The following RAB2A variants were observed in gnomAD, a reference collection of about 807,000 sequenced individuals.
RAB2A encodes RAB2A, member RAS oncogene family.
RAB2A carries 7 observed loss-of-function variants against 32.5 expected under a neutral mutation model. The ratio of observed to expected loss-of-function variants is 0.22; its 90% CI spans 0.12 to 0.40. RAB2A has a LOEUF of 0.40. Ranked by LOEUF, RAB2A falls within the 10% of genes least tolerant of loss-of-function variation. The pLI is 1.00. For synonymous variants in RAB2A, 79 were observed against 85.2 expected (o/e 0.93, Z 0.40); for missense variants, 108 against 260.7 (o/e 0.41, Z 4.03).
chr8:60,581,470 A>G (rs1482531349), intron 3 of RAB2A, among the ~76,000 whole-genome samples: 1 of 152,234 alleles, frequency 6.6e-6, no homozygotes, highest in African/African-American at 2.4e-5. Context: ...AATAGTGTAC[A>G]ATTTAAAACT....
chr8:60,568,377 CATT>C, intron 2 of RAB2A, among the ~76,000 whole-genome samples: 1 of 151,916 alleles, frequency 6.6e-6, no homozygotes, highest in African/African-American at 2.4e-5. Context: ...GGTCTCTCAT[CATT>C]AGTCATGCGG....
At chr8:60,550,379 GT>G (rs778540954) in intron 1 of RAB2A, among the ~76,000 whole-genome samples, 1 of 150,728 alleles carries the variant, frequency 6.6e-6, no homozygotes, top group Middle Eastern at 3.4e-3. Context: ...CTGGTTCACG[GT>G]TTTTTTTGTC....
Position 60,599,159 on chromosome 8 carries a change from C to CA in RAB2A, c.474+7194dup, listed in dbSNP as rs1207400978. ...CCATGAAAACATGAACACCAAAACTCAAAATATATCATTTTTAAGCACACA... is the reference window on the plus strand; with the variant it reads ...CCATGAAAACATGAACACCAAAACTCAAAAATATATCATTTTTAAGCACACA... On this transcript the variant is annotated intron_variant, in intron 6 of 7. Transcript: ENST00000262646. Among the ~76,000 whole-genome samples, 3 of 151,720 alleles carry CA rather than the reference C, an allele frequency of 2.0e-5. No homozygotes were observed. In the East Asian group the frequency reaches 5.8e-4, roughly 29 times the overall value.
intron 3 of RAB2A, among the ~76,000 whole-genome samples, chr8:60,578,100 A>G (rs377530875): frequency 5.9e-5 from 9 of 152,300 alleles, no homozygotes; most frequent in Middle Eastern, 3.4e-3. Flanking sequence ...ATAACTAGCA[A>G]TGCAAGTAAG....
At chr8:60,576,277 A>G (rs1357787035) in intron 3 of RAB2A, 3 of 456,158 alleles carry the variant, frequency 6.6e-6, no homozygotes, top group Admixed American at 4.7e-5. Flanking sequence ...GTTTCTGTTC[A>G]TTGGCAGAAA....
At chr8:60,599,261 A>G (rs774216179) in intron 6 of RAB2A, among the ~76,000 whole-genome samples, 1 of 152,208 alleles carries the variant, frequency 6.6e-6, no homozygotes, top group South Asian at 2.1e-4. Context: ...CTACAAAACT[A>G]CTTACAGTGG....
intron 7 of RAB2A, chr8:60,619,023 C>T (rs1804491197): frequency 6.6e-6 from 1 of 152,236 alleles, no homozygotes; most frequent in Non-Finnish European, 1.5e-5. Context: ...TATATAAATG[C>T]ATGTACTATG....
chr8:60,605,118 C>T (rs529254833), intron 6 of RAB2A, among the ~76,000 whole-genome samples: 1 of 152,150 alleles, frequency 6.6e-6, no homozygotes, highest in African/African-American at 2.4e-5. Flanking sequence ...GCATCCCAGC[C>T]ACTTTAGTTC....
At chr8:60,523,306 C>T (rs1207431257) in intron 1 of RAB2A, among the ~76,000 whole-genome samples, 2 of 151,852 alleles carry the variant, frequency 1.3e-5, no homozygotes, top group African/African-American at 4.8e-5. Context: ...TACAGGCGCC[C>T]GCCACCACGC....
chr8:60,614,499 G>A (rs565068365), intron 6 of RAB2A, among the ~76,000 whole-genome samples: 1 of 152,160 alleles, frequency 6.6e-6, no homozygotes, highest in South Asian at 2.1e-4. Flanking sequence ...CAGTCTTCCT[G>A]CCTACGCCTC....
At chr8:60,538,025 G>A (rs1216960323) in intron 1 of RAB2A, among the ~76,000 whole-genome samples, 5 of 152,112 alleles carry the variant, frequency 3.3e-5, no homozygotes, top group East Asian at 3.8e-4. Context: ...CATTCTAGCC[G>A]TTTTCCACTA....
At chr8:60,541,870 A>G (rs1807651098) in intron 1 of RAB2A, among the ~76,000 whole-genome samples, 2 of 152,150 alleles carry the variant, frequency 1.3e-5, no homozygotes, top group African/African-American at 4.8e-5. Context: ...GAGCGAGATA[A>G]TCACAGAAAC....
Position 60,622,698 on chromosome 8 carries a change from C to T in RAB2A, c.*1929C>T, listed in dbSNP as rs2150441515. 6.6e-6 allele frequency: 1 copy of T among 152,240 alleles called. No individual in the cohort carries two copies. The highest frequency in any genetic ancestry group is 2.1e-4 in the South Asian group (1 of 4,824). 9.4% of individuals were successfully genotyped at this position (152,240 alleles called of 1,614,324 possible). ...TTATTTGAAGAAGAGAACTTAATGG[C>T]AAATAAACAACAAACCAGGACATGC... On this transcript the variant is annotated 3_prime_UTR_variant, in exon 8 of 8. Coordinates refer to ENST00000262646, the MANE Select transcript of RAB2A (RefSeq NM_002865.3).
intron 1 of RAB2A, among the ~76,000 whole-genome samples, chr8:60,548,636 G>A (rs1244998562): frequency 2.1e-4 from 30 of 146,256 alleles, no homozygotes; most frequent in African/African-American, 6.9e-4. Context: ...CTGGCCGAGC[G>A]GGGGGCTGAC....
chr8:60,616,720 G>T (rs575254272), intron 6 of RAB2A, among the ~76,000 whole-genome samples: 1 of 152,304 alleles, frequency 6.6e-6, no homozygotes, highest in Non-Finnish European at 1.5e-5. Flanking sequence ...GACCCTCTGT[G>T]ATGATTCGAT....
intron 2 of RAB2A, among the ~76,000 whole-genome samples, chr8:60,566,604 T>C (rs1808118015): frequency 6.6e-6 from 1 of 152,212 alleles, no homozygotes. Context: ...TATATCATTT[T>C]CTTTTTTTAA....
In RAB2A at chr8:60,606,080, C is replaced by T. The variant is rs118135273; in HGVS notation, c.475-12500C>T. ...AGGAGAATTACTTGAATCAGGGAGGCGGAAGTTGCAGTGAGCTCAAATTGC... is the reference window on the plus strand; with the variant it reads ...AGGAGAATTACTTGAATCAGGGAGGTGGAAGTTGCAGTGAGCTCAAATTGC... On this transcript the variant is annotated intron_variant, in intron 6 of 7. Coordinates refer to ENST00000262646, the MANE Select transcript of RAB2A (RefSeq NM_002865.3). Among the ~76,000 whole-genome samples the T allele has an allele frequency of 2.0e-4, 31 of 152,134 alleles. No homozygotes were observed. In the East Asian group the frequency reaches 4.8e-3, roughly 24 times the overall value.
At chr8:60,552,857 G>A (rs1271119621) in intron 1 of RAB2A, 1 of 152,180 alleles carries the variant, frequency 6.6e-6, no homozygotes, top group Non-Finnish European at 1.5e-5. Context: ...AGGGTATGAG[G>A]ACAGACAGAG....
intron 1 of RAB2A, among the ~76,000 whole-genome samples, chr8:60,526,053 A>ATATATATATATATC (rs1807381847): frequency 8.5e-6 from 1 of 117,998 alleles, no homozygotes; most frequent in Non-Finnish European, 1.7e-5. Flanking sequence ...ATATATATAT[A>ATATATATATATATC]TATAAGTTTT....
Sources: allele counts gnomAD v4.1 joint callset (sites outside exome capture counted in the v4.1 genomes callset), GRCh38; gene constraint gnomAD v4.1.1; transcripts MANE v1.5; gene names NCBI Gene and HGNC (gene_info 2026-07-23, HGNC 2026-07-21).